Variants in PTPRT observed in about 807,000 individuals in gnomAD.
The protein encoded by PTPRT is receptor-type tyrosine-protein phosphatase T.
In PTPRT, 56 loss-of-function variants were observed where a neutral mutation model predicts 176.8. The ratio of observed to expected loss-of-function variants is 0.32; its 90% confidence interval spans 0.26 to 0.40. The LOEUF is 0.40. Ranked by LOEUF, PTPRT falls within the 10% of genes least tolerant of loss-of-function variation. PTPRT has a pLI of 1.00. For synonymous variants in PTPRT, 783 were observed against 739.0 expected (o/e 1.06, Z -0.96); for missense variants, 1,540 against 1,908.2 (o/e 0.81, Z 3.60).
chr20:42,840,742 A>G (rs1000746926), intron 2 of PTPRT, among the ~76,000 whole-genome samples: 4 of 152,022 alleles, frequency 2.6e-5, no homozygotes, highest in African/African-American at 9.7e-5. Context: ...GACACAATTC[A>G]ACTCACAACA....
At chr20:42,585,893 G>A (rs530816480) in intron 7 of PTPRT, among the ~76,000 whole-genome samples, 1 of 152,136 alleles carries the variant, frequency 6.6e-6, no homozygotes, top group African/African-American at 2.4e-5. Flanking sequence ...TAACATGTCT[G>A]TAACATATTG....
intron 8 of PTPRT, among the ~76,000 whole-genome samples, chr20:42,459,534 G>T (rs543330574): frequency 6.6e-6 from 1 of 152,184 alleles, no homozygotes; most frequent in African/African-American, 2.4e-5. Flanking sequence ...GGACCTAAGG[G>T]GTAGTAGTAG....
chr20:42,061,141 T>TAAATAAATAATAATAAAC, the PTPRT span, among the ~76,000 whole-genome samples: 1 of 152,202 alleles, frequency 6.6e-6, no homozygotes, highest in Non-Finnish European at 1.5e-5. Flanking sequence ...AGTGGCTTCA[T>TAAATAAATAATAATAAAC]CTATAAAGGT....
chr20:42,579,054 C>T (rs1319857470), intron 7 of PTPRT, among the ~76,000 whole-genome samples: 1 of 112,308 alleles, frequency 8.9e-6, no homozygotes, highest in Non-Finnish European at 1.7e-5. Flanking sequence ...GCTATCCCTC[C>T]CCCCTCCCCC....
At chr20:42,577,359 C>T (rs2073278609) in intron 7 of PTPRT, among the ~76,000 whole-genome samples, 1 of 152,164 alleles carries the variant, frequency 6.6e-6, no homozygotes, top group South Asian at 2.1e-4. Context: ...GGGAGGGATA[C>T]ATCGCAGAAG....
chr20:42,370,609 A>G (rs1484037698), intron 9 of PTPRT, among the ~76,000 whole-genome samples: 2 of 152,214 alleles, frequency 1.3e-5, no homozygotes, highest in Non-Finnish European at 1.5e-5. Flanking sequence ...CTTCTGTTAA[A>G]TGGAGACAAT....
intron 1 of PTPRT, among the ~76,000 whole-genome samples, chr20:43,017,074 CA>C (rs895128787): frequency 1.3e-5 from 2 of 151,512 alleles, no homozygotes; most frequent in African/African-American, 4.8e-5. Flanking sequence ...AAAATTAATG[CA>C]AAAAAAATCC....
chr20:42,672,062 G>T (rs2075422027), intron 7 of PTPRT, among the ~76,000 whole-genome samples: 1 of 152,190 alleles, frequency 6.6e-6, no homozygotes, highest in Admixed American at 6.5e-5. Flanking sequence ...TCAGAAAATT[G>T]TTTCACCACT....
At chr20:43,108,945 G>C (rs1277159467) in intron 1 of PTPRT, among the ~76,000 whole-genome samples, 1 of 152,026 alleles carries the variant, frequency 6.6e-6, no homozygotes, top group Non-Finnish European at 1.5e-5. Context: ...CCAATGCATT[G>C]CCTTCAGCAC....
At chr20:43,178,252 T>C (rs62205321) in intron 1 of PTPRT, among the ~76,000 whole-genome samples, 6 of 152,172 alleles carry the variant, frequency 3.9e-5, no homozygotes, top group Non-Finnish European at 8.8e-5. Context: ...TAGGGGAAGA[T>C]AAACACCCTG....
chr20:42,148,265 T>G (rs540968334), intron 17 of PTPRT, among the ~76,000 whole-genome samples: 2 of 151,064 alleles, frequency 1.3e-5, no homozygotes, highest in Admixed American at 1.3e-4. Context: ...CAGTCATTTT[T>G]TTTTTTTTTT....
chr20:43,110,067 G>T (rs141973057), intron 1 of PTPRT, among the ~76,000 whole-genome samples: 730 of 152,250 alleles, frequency 4.8e-3, no homozygotes, highest in Non-Finnish European at 7.5e-3. Flanking sequence ...TTGTTTACTT[G>T]ACTCATGATT....
intron 7 of PTPRT, among the ~76,000 whole-genome samples, chr20:42,665,995 T>A (rs913197378): frequency 6.6e-6 from 1 of 151,166 alleles, no homozygotes; most frequent in African/African-American, 2.4e-5. Flanking sequence ...TAATGTTAAA[T>A]GACGAGTTAA....
chr20:42,941,707 G>A (rs528120286), intron 1 of PTPRT, among the ~76,000 whole-genome samples: 1 of 152,290 alleles, frequency 6.6e-6, no homozygotes, highest in African/African-American at 2.4e-5. Flanking sequence ...CAGAAAGAGA[G>A]AGATGGGACT....
At chr20:42,270,287 G>A in intron 13 of PTPRT, 2 of 939,024 alleles carry the variant, frequency 2.1e-6, no homozygotes, top group Non-Finnish European at 1.6e-6. Flanking sequence ...GGGGTGGGTG[G>A]GTGGGTGGGG....
At chr20:42,606,408 C>T (rs997786016) in intron 7 of PTPRT, among the ~76,000 whole-genome samples, 2 of 152,190 alleles carry the variant, frequency 1.3e-5, no homozygotes, top group Admixed American at 6.5e-5. Context: ...TCACAGATTT[C>T]AGCAAAGAAA....
At chr20:42,728,657 A>T (rs189597781) in intron 6 of PTPRT, among the ~76,000 whole-genome samples, 112 of 149,450 alleles carry the variant, frequency 7.5e-4, no homozygotes, top group African/African-American at 2.2e-3. Flanking sequence ...ATGAGGAAAC[A>T]GGGGCAGAAA....
chr20:42,953,246 G>C (rs1420582311), intron 1 of PTPRT, among the ~76,000 whole-genome samples: 2 of 152,204 alleles, frequency 1.3e-5, no homozygotes, highest in African/African-American at 4.8e-5. Flanking sequence ...AGACAGAGCT[G>C]TGCCTTCCAC....
chr20:42,633,781 G>GAAAAAAAAA (rs757072641), intron 7 of PTPRT, among the ~76,000 whole-genome samples: 1 of 32,854 alleles, frequency 3.0e-5, no homozygotes, highest in African/African-American at 1.8e-4. Flanking sequence ...GCAAGACTCT[G>GAAAAAAAAA]AAAATATATA....
Sources: gnomAD v4.1 joint callset for allele counts (sites outside exome capture counted in the v4.1 genomes callset) on GRCh38, gnomAD v4.1.1 for gene constraint, MANE v1.5 for transcripts, NCBI Gene and HGNC (gene_info 2026-07-23, HGNC 2026-07-21) for gene names.